The following TRIM17 variants were observed in gnomAD, a reference collection of about 807,000 sequenced individuals.
TRIM17 encodes the protein tripartite motif containing 17, also known as E3 ubiquitin-protein ligase TRIM17.
TRIM17 carries 27 observed loss-of-function variants against 35.8 expected under a neutral mutation model. The ratio of observed to expected loss-of-function variants is 0.75; its 90% CI spans 0.56 to 1.04. The LOEUF (loss-of-function observed/expected upper bound fraction) is 1.04. TRIM17 is among the 50% of genes least tolerant of loss of function. The probability of loss-of-function intolerance (pLI) is 0.00; values close to 1 mark genes in which losing one functional copy is unlikely to be tolerated. For synonymous variants in TRIM17, 246 were observed against 252.6 expected (o/e 0.97, Z 0.25); for missense variants, 582 against 612.8 (o/e 0.95, Z 0.53).
chr1:228,409,856 A>G (rs574770919), intron 4 of TRIM17, among the ~76,000 whole-genome samples: 118 of 152,238 alleles, frequency 7.8e-4, no homozygotes, highest in Non-Finnish European at 1.2e-3. Context: ...TTAGGGATTC[A>G]GAGTTCCCTA....
In TRIM17 at chr1:228,414,722, G is replaced by C; in HGVS notation, c.351C>G (p.Ile117Met). The change falls in exon 2 of 7, where the codon ATC (isoleucine) becomes ATG (methionine). Residue 117 changes from isoleucine (I) to methionine (M), a missense_variant. Coordinates refer to ENST00000366698, the MANE Select transcript of TRIM17 (RefSeq NM_016102.4). ...KLFCQKDQSP[I>M]CVVCRESREH... The stretch of plus-strand genomic sequence containing the variant: ...CCCGGGACTCCCTGCACACCACACA[G>C]ATGGGGCTCTGGTCCTTCTGGCAGA... The C allele has an allele frequency of 6.2e-7, 1 of 1,612,512 alleles. No individual in the cohort carries two copies. The highest frequency in any genetic ancestry group is 1.3e-5 in the African/African-American group (1 of 75,036).
intron 3 of TRIM17, 124 bp downstream of exon 3, chr1:228,413,673 G>T: frequency 1.4e-6 from 1 of 723,450 alleles, no homozygotes; most frequent in Non-Finnish European, 2.4e-6. Context: ...ACCTAGAAGG[G>T]TAGAGGCAAC....
rs1207701547 is a variant in TRIM17 at position 228,415,077 on chromosome 1, C to T, written c.-5G>A. 4 of 1,596,404 alleles carry T rather than the reference C, an allele frequency of 2.5e-6. No homozygotes were observed. The highest frequency in any genetic ancestry group is 2.6e-6 in the Non-Finnish European group (3 of 1,168,352). ...GGCGAGTTCCACAGCCTCCATGGCT[C>T]CTGGGAGACACGAGGCAGGTTCCCG... On this transcript the variant is annotated 5_prime_UTR_variant, in exon 2 of 7. Coordinates refer to ENST00000366698, the MANE Select transcript of TRIM17 (RefSeq NM_016102.4).
intron 6 of TRIM17, 163 bp downstream of exon 6, chr1:228,409,009 C>T: frequency 6.4e-7 from 1 of 1,571,692 alleles, no homozygotes; most frequent in Non-Finnish European, 8.6e-7. Flanking sequence ...ATTAGAACCA[C>T]CAGTAACGCC....
Position 228,408,336 on chromosome 1 carries a change from A to T in TRIM17, c.1299T>A (p.Ser433Arg), listed in dbSNP as rs149011573. 6.2e-7 allele frequency: 1 copy of T among 1,613,916 alleles called. No individual in the cohort carries two copies. The highest frequency in any genetic ancestry group is 8.5e-7 in the Non-Finnish European group (1 of 1,179,920). The change falls in exon 7 of 7, where the codon AGT becomes AGA. Residue 433 changes from serine (S) to arginine (R), a missense_variant. Ser to Arg is a moderately radical substitution (Grantham distance 110). Transcript: ENST00000366698. The surrounding 1 kb of genome is among the most constrained non-coding windows in gnomAD (Gnocchi z 6.3). Reference protein sequence around the residue: ...DFEAGEVSFYSVSDGSHLHTY... With the variant: ...DFEAGEVSFYRVSDGSHLHTY... ...TGTGCAGGTGGGACCCATCGCTTAC[A>T]CTGTAGAAGGACACTTCCCCGGCTT...
chr1:228,416,602 G>C lies in TRIM17; in HGVS notation c.-105C>G. 1.0e-6 allele frequency: 1 copy of C among 985,676 alleles called. No individual in the cohort carries two copies. Among genetic ancestry groups the C allele is most frequent in the Non-Finnish European group, 1.2e-6 (1 of 830,260 alleles). The allele number at this position is 985,676 out of a possible 1,614,324, so 61.1% of individuals were successfully genotyped here. A position where few individuals can be genotyped will look rare whatever the true frequency, so the allele number is the denominator to read the frequency against. On this transcript the variant is annotated 5_prime_UTR_variant, in exon 1 of 7. Coordinates refer to ENST00000366698, the MANE Select transcript of TRIM17 (RefSeq NM_016102.4). ...GGCCGAGCGCTCGCTGCCGGGAAAG[G>C]CTGGGTCTGCCCCCACGAAGCCCAG...
At chr1:228,413,632 A>G (rs1047681257) in intron 3 of TRIM17, among the ~76,000 whole-genome samples, 165 bp downstream of exon 3, 2 of 152,168 alleles carry the variant, frequency 1.3e-5, no homozygotes, top group African/African-American at 4.8e-5. Context: ...CATCTGTCTT[A>G]AGTCAGTTTC....
At position 228,410,813 on chromosome 1, in the gene TRIM17, C is replaced by T. The variant is rs917546100; in HGVS notation, c.756+133G>A. 6 of 678,728 alleles carry T rather than the reference C, an allele frequency of 8.8e-6. No homozygotes were observed. The highest frequency in any genetic ancestry group is 3.0e-5 in the Admixed American group (1 of 32,814). 42.0% of individuals were successfully genotyped at this position (678,728 alleles called of 1,614,324 possible). A position where few individuals can be genotyped will look rare whatever the true frequency, so the allele number is the denominator to read the frequency against. ...CTGCCCGCACCTTGGCCTCAGCCAC[C>T]CAGCCTCCAGGACTAGCAGACTGGG... On this transcript the variant is annotated intron_variant, in intron 4 of 6. Transcript: ENST00000366698. This position sits in a 1 kb window ranked among gnomAD's most constrained non-coding sequence, Gnocchi z 4.6.
At position 228,408,770 on chromosome 1, in the gene TRIM17, G is replaced by A. The variant is rs1392794867; in HGVS notation, c.884-19C>T. ...ACATCCTCTGTAGATGGGCGTGGTGGTGGAGAGATGGGGAGAGGTGTGGGG... is the reference window on the plus strand; with the variant it reads ...ACATCCTCTGTAGATGGGCGTGGTGATGGAGAGATGGGGAGAGGTGTGGGG... On this transcript the variant is annotated intron_variant, in intron 6 of 6. Transcript: ENST00000366698. This position sits in a 1 kb window ranked among gnomAD's most constrained non-coding sequence, Gnocchi z 6.3. 3 of 1,591,654 alleles carry A rather than the reference G, an allele frequency of 1.9e-6. No homozygotes were observed. Among genetic ancestry groups the A allele is most frequent in the Non-Finnish European group, 1.7e-6 (2 of 1,175,026 alleles).
At position 228,414,926 on chromosome 1, in the gene TRIM17, G is replaced by T. The variant is rs1046989008; in HGVS notation, c.147C>A (p.Gly49=). 2 of 1,613,364 alleles carry T rather than the reference G, an allele frequency of 1.2e-6. No individual in the cohort carries two copies. Among genetic ancestry groups the T allele is most frequent in the Non-Finnish European group, 1.7e-6 (2 of 1,180,010 alleles). Residue 49 remains glycine (G), a synonymous_variant, in exon 2 of 7, where the codon GGC becomes GGA. Transcript: ENST00000366698. The stretch of plus-strand genomic sequence containing the variant: ...CCTTCCGCTTCCGCCTCCCCTTCTT[G>T]CCCCTCGCCTTTTCCCAGCTCAGCT... The part of the protein sequence containing the change: ...CIQLSWEKAR[G]KKGRRKRKGS...
rs750358659 is a variant in TRIM17, at chr1:228,414,611, C to T, written c.429+33G>A. 73 of 1,575,880 alleles carry T rather than the reference C, an allele frequency of 4.6e-5. No individual in the cohort carries two copies. The Admixed American group carries it at 7.2e-4, about 16-fold the overall frequency. ...CTTGTCCCCCTGGATGCCTCCTCCC[C>T]GGCCCCTTGACCTGGGCCCCGATGT... is the stretch of plus-strand genomic sequence containing the variant. On this transcript the variant is annotated intron_variant, in intron 2 of 6. Transcript: ENST00000366698.
Position 228,416,789 on chromosome 1 carries a change from G to A in TRIM17, c.-292C>T. ...GCGCCTCTTAGGAGAGGTTGGGGGT[G>A]GCTTGGGGAAGGAAGGCGGCAGGGG... On this transcript the variant is annotated 5_prime_UTR_variant, in exon 1 of 7. Coordinates refer to ENST00000366698, the MANE Select transcript of TRIM17 (RefSeq NM_016102.4). 7 of 984,474 alleles carry A rather than the reference G, an allele frequency of 7.1e-6. No individual in the cohort carries two copies. Among genetic ancestry groups the A allele is most frequent in the Non-Finnish European group, 8.4e-6 (7 of 829,532 alleles). The allele number at this position is 984,474 out of a possible 1,614,324, so 61.0% of individuals were successfully genotyped here.
intron 2 of TRIM17, 146 bp downstream of exon 2, chr1:228,414,498 C>T: frequency 1.5e-6 from 1 of 686,366 alleles, no homozygotes; most frequent in South Asian, 1.8e-5. Context: ...CCACAGGCCA[C>T]CTTGTCCCCT....
Position 228,411,355 on chromosome 1 carries a change from C to G in TRIM17, c.526-179G>C, listed in dbSNP as rs1488955152. ...CCATCCTGTGATACACTGAGTGTAA[C>G]CCTCCGAGCCCCGAACTGCAACTTC... is the stretch of plus-strand genomic sequence containing the variant. On this transcript the variant is annotated intron_variant, in intron 3 of 6. Coordinates refer to ENST00000366698, the MANE Select transcript of TRIM17 (RefSeq NM_016102.4). The surrounding 1 kb of genome is among the most constrained non-coding windows in gnomAD (Gnocchi z 4.2). Among the ~76,000 whole-genome samples the G allele has an allele frequency of 2.0e-5, 3 of 152,180 alleles. No individual in the cohort carries two copies. Among genetic ancestry groups the G allele is most frequent in the African/African-American group, 7.2e-5 (3 of 41,440 alleles).
rs745847799 is a variant in TRIM17 at position 228,410,919 on chromosome 1, C to CCCTGCCTGCCAAGCCTACTGGTGA, written c.756+26_756+27insTCACCAGTAGGCTTGGCAGGCAGG. On this transcript the variant is annotated intron_variant, in intron 4 of 6. Transcript: ENST00000366698. This position sits in a 1 kb window ranked among gnomAD's most constrained non-coding sequence, Gnocchi z 4.6. ...CATGCCTGTCAGAGCTCACATCCCA[C>CCCTGCCTGCCAAGCCTACTGGTGA]CCTGCCTGCCAAGCCTACTGGCTCA... 2.0e-6 allele frequency: 3 copies of CCCTGCCTGCCAAGCCTACTGGTGA among 1,466,986 alleles called. No individual in the cohort carries two copies. In the African/African-American group the frequency reaches 4.2e-5, roughly 21 times the overall value. The allele number at this position is 1,466,986 out of a possible 1,614,324, so 90.9% of individuals were successfully genotyped here.
At chr1:228,416,087 A>T (rs370017307) in intron 1 of TRIM17, 4 of 153,608 alleles carry the variant, frequency 2.6e-5, no homozygotes, top group African/African-American at 9.7e-5. Context: ...GAAGGAGTTG[A>T]AAATCGCGTC....
In TRIM17 at chr1:228,411,787, C is replaced by T. The variant is rs963852158; in HGVS notation, c.526-611G>A. Among the ~76,000 whole-genome samples the T allele has an allele frequency of 6.6e-6, 1 of 152,104 alleles. No individual in the cohort carries two copies. The highest frequency in any genetic ancestry group is 1.5e-5 in the Non-Finnish European group (1 of 68,016). On this transcript the variant is annotated intron_variant, in intron 3 of 6. Coordinates refer to ENST00000366698, the MANE Select transcript of TRIM17 (RefSeq NM_016102.4). This position sits in a 1 kb window ranked among gnomAD's most constrained non-coding sequence, Gnocchi z 4.2. ...GACGACAGACATGTGTCACCACCACCATGCCCAGCTAATTTTTAATTTTTT... is the reference window on the plus strand; with the variant it reads ...GACGACAGACATGTGTCACCACCACTATGCCCAGCTAATTTTTAATTTTTT...
In TRIM17 at chr1:228,408,499, C is replaced by T; in HGVS notation, c.1136G>A (p.Arg379Lys). ...VCRDNVSRKD[R>K]VPKCPENGFW... ...GCCGTTTTCGGGGCACTTGGGGACC[C>T]TGTCTTTCCGGCTCACGTTGTCCCT... Residue 379 changes from arginine (R) to lysine (K), a missense_variant, in exon 7 of 7, where the codon AGG (arginine) becomes AAG (lysine). Coordinates refer to ENST00000366698, the MANE Select transcript of TRIM17 (RefSeq NM_016102.4). This position sits in a 1 kb window ranked among gnomAD's most constrained non-coding sequence, Gnocchi z 6.3. 1 of 1,614,162 alleles carries T rather than the reference C, an allele frequency of 6.2e-7. No individual in the cohort carries two copies. The highest frequency in any genetic ancestry group is 8.5e-7 in the Non-Finnish European group (1 of 1,180,004).
chr1:228,411,208 A>C lies in TRIM17; in HGVS notation c.526-32T>G, dbSNP rs751021057. The C allele has an allele frequency of 2.6e-5, 40 of 1,562,290 alleles. No homozygotes were observed. Among genetic ancestry groups the C allele is most frequent in the Non-Finnish European group, 2.6e-6 (3 of 1,149,386 alleles). On this transcript the variant is annotated intron_variant, in intron 3 of 6. Transcript: ENST00000366698. This position sits in a 1 kb window ranked among gnomAD's most constrained non-coding sequence, Gnocchi z 4.2. ...GAGTGGAGAAGCCCAGCATGTTGCC[A>C]GCAGGTGGCTCAGCTCCAGGGATGC...
Sources: allele counts gnomAD v4.1 joint callset (sites outside exome capture counted in the v4.1 genomes callset), GRCh38; gene constraint gnomAD v4.1.1; non-coding constraint Gnocchi (gnomAD v3.1); transcripts MANE v1.5; gene names NCBI Gene and HGNC (gene_info 2026-07-23, HGNC 2026-07-21).